Variants in IQCK observed in about 807,000 individuals in gnomAD.
IQCK encodes IQ motif containing K.
Under a neutral mutation model 28.1 loss-of-function variants are expected in IQCK, and 29 were observed. The ratio of observed to expected loss-of-function variants is 1.03; its 90% CI spans 0.77 to 1.41. IQCK has a LOEUF of 1.41. IQCK is among the 40% of genes most tolerant of loss of function. The pLI is 0.00. For synonymous variants in IQCK, 113 were observed against 115.1 expected (o/e 0.98, Z 0.12); for missense variants, 359 against 314.7 (o/e 1.14, Z -1.07).
intron 4 of IQCK, among the ~76,000 whole-genome samples, chr16:19,762,600 A>G (rs1337340346): frequency 6.6e-6 from 1 of 152,174 alleles, no homozygotes; most frequent in Non-Finnish European, 1.5e-5. Context: ...CGCGTATTTC[A>G]TCTAACACAA....
chr16:19,816,575 C>T (rs896836437), intron 7 of IQCK, among the ~76,000 whole-genome samples: 3 of 152,180 alleles, frequency 2.0e-5, no homozygotes, highest in African/African-American at 2.4e-5. Flanking sequence ...TGAGCCACCG[C>T]GCCTGGCCAA....
intron 7 of IQCK, among the ~76,000 whole-genome samples, chr16:19,820,240 G>A (rs530092757): frequency 4.4e-4 from 67 of 152,228 alleles, no homozygotes; most frequent in Admixed American, 7.9e-4. Flanking sequence ...CAGGCCAGGC[G>A]CAATGGCTCA....
downstream of IQCK, among the ~76,000 whole-genome samples, chr16:19,828,846 G>A (rs1206835487): frequency 1.3e-4 from 18 of 138,284 alleles, no homozygotes; most frequent in South Asian, 2.2e-3. Context: ...GCCAGACACC[G>A]TCTCAAAAAA....
chr16:19,830,243 T>G (rs2056213198), downstream of IQCK, among the ~76,000 whole-genome samples: 2 of 152,236 alleles, frequency 1.3e-5, no homozygotes, highest in African/African-American at 4.8e-5. Flanking sequence ...CAATCAGGGC[T>G]GTAATCAGTT....
intron 4 of IQCK, among the ~76,000 whole-genome samples, chr16:19,749,037 G>A (rs2054951114): frequency 6.6e-6 from 1 of 152,122 alleles, no homozygotes; most frequent in African/African-American, 2.4e-5. Context: ...GTAAATCATT[G>A]ACTCTCTTGG....
chr16:19,848,764 A>C (rs114141317), intron 9 of IQCK, among the ~76,000 whole-genome samples: 409 of 152,346 alleles, frequency 2.7e-3, no homozygotes, highest in African/African-American at 9.5e-3. Flanking sequence ...GGTATCATCC[A>C]GCTTTTAAGT....
At chr16:19,805,204 A>G (rs1328918020) in intron 7 of IQCK, among the ~76,000 whole-genome samples, 1 of 149,716 alleles carries the variant, frequency 6.7e-6, no homozygotes, top group Non-Finnish European at 1.5e-5. Context: ...GACTTCAGAT[A>G]TGGCCCAGGT....
At chr16:19,828,902 AT>A (rs1422977582), downstream of IQCK, among the ~76,000 whole-genome samples, 27 of 141,050 alleles carry the variant, frequency 1.9e-4, no homozygotes, top group Non-Finnish European at 2.0e-4. Context: ...TATTATATAT[AT>A]TTTTATATAT....
intron 4 of IQCK, chr16:19,736,119 G>T: frequency 2.2e-6 from 1 of 455,846 alleles, no homozygotes; most frequent in East Asian, 7.0e-5. Context: ...TAGATTGATT[G>T]TTCCCCCTGG....
chr16:19,813,707 A>G (rs536999891), intron 7 of IQCK, among the ~76,000 whole-genome samples: 4 of 152,342 alleles, frequency 2.6e-5, no homozygotes, highest in African/African-American at 4.8e-5. Context: ...ATGGTGAATG[A>G]GGAAGCTGAT....
At chr16:19,730,112 C>T (rs910663934) in intron 1 of IQCK, among the ~76,000 whole-genome samples, 4 of 151,926 alleles carry the variant, frequency 2.6e-5, no homozygotes, top group Non-Finnish European at 4.4e-5. Context: ...CCAGCCACCA[C>T]GCCCAGCTAA....
intron 1 of IQCK, among the ~76,000 whole-genome samples, chr16:19,723,128 T>G (rs974394625): frequency 6.5e-5 from 8 of 122,880 alleles, no homozygotes; most frequent in Admixed American, 1.9e-4. Flanking sequence ...CCCACCAGTC[T>G]TCATGTCTGC....
intron 1 of IQCK, among the ~76,000 whole-genome samples, chr16:19,728,816 C>A (rs1977739498): frequency 6.6e-6 from 1 of 152,214 alleles, no homozygotes; most frequent in Non-Finnish European, 1.5e-5. Flanking sequence ...TTTTAACCTG[C>A]AACCTGACAT....
At chr16:19,737,794 G>A (rs116356534) in intron 4 of IQCK, among the ~76,000 whole-genome samples, 1,737 of 151,848 alleles carry the variant, frequency 0.011, 39 homozygotes, top group African/African-American at 0.04. Context: ...CTCGAAGTTC[G>A]CTGCACCAAC....
chr16:19,762,248 G>A (rs1467418431), intron 4 of IQCK, among the ~76,000 whole-genome samples: 3 of 152,166 alleles, frequency 2.0e-5, no homozygotes, highest in Non-Finnish European at 2.9e-5. Context: ...AGAGTGGACC[G>A]TGGGTGGAGA....
chr16:19,770,245 T>C (rs1354771953), intron 6 of IQCK, among the ~76,000 whole-genome samples: 1 of 152,226 alleles, frequency 6.6e-6, no homozygotes, highest in Non-Finnish European at 1.5e-5. Context: ...AAGTCATGTG[T>C]AAGTGTAACA....
At chr16:19,720,288 C>T (rs1977452934) in intron 1 of IQCK, among the ~76,000 whole-genome samples, 1 of 152,224 alleles carries the variant, frequency 6.6e-6, no homozygotes, top group African/African-American at 2.4e-5. Flanking sequence ...CCTCTTGGTG[C>T]TATGATCCAA....
At position 19,825,658 on chromosome 16, in the gene IQCK, TAAAG is replaced by T. The variant is rs2056139105; in HGVS notation, c.691-1364_691-1361del. Among the ~76,000 whole-genome samples, 1 of 152,066 alleles carries T rather than the reference TAAAG, an allele frequency of 6.6e-6. No individual in the cohort carries two copies. On this transcript the variant is annotated intron_variant, in intron 7 of 7. Transcript: ENST00000564186. This position sits in a 1 kb window ranked among gnomAD's most constrained non-coding sequence, Gnocchi z 4.2. ...ATGGCAAGACTCTTTCTCTACAAAA[TAAAG>T]AAAATAAAAAATGAAATAAAATTTG... is the stretch of plus-strand genomic sequence containing the variant.
rs571807359 is a variant in IQCK at position 19,820,379 on chromosome 16, G to A, written c.691-6647G>A. ...TAAAAACACAAAATTGCTGGGCTTGGTGGCTCACGCCTGTAATCCCAGCAC... is the reference window on the plus strand; with the variant it reads ...TAAAAACACAAAATTGCTGGGCTTGATGGCTCACGCCTGTAATCCCAGCAC... On this transcript the variant is annotated intron_variant, in intron 7 of 7. Transcript: ENST00000564186. Among the ~76,000 whole-genome samples the A allele has an allele frequency of 2.6e-5, 4 of 152,220 alleles. No homozygotes were observed. The East Asian group carries it at 7.7e-4, about 29-fold the overall frequency.
Sources: allele counts gnomAD v4.1 joint callset (sites outside exome capture counted in the v4.1 genomes callset), GRCh38; gene constraint gnomAD v4.1.1; non-coding constraint Gnocchi (gnomAD v3.1); transcripts MANE v1.5; gene names NCBI Gene and HGNC (gene_info 2026-07-23, HGNC 2026-07-21).